Variants in ZFAND3 observed in about 807,000 individuals in gnomAD.
The protein encoded by ZFAND3 is AN1-type zinc finger protein 3.
In ZFAND3, 10 loss-of-function variants were observed where a neutral mutation model predicts 29.6. The ratio of observed to expected loss-of-function variants is 0.34; its 90% CI spans 0.21 to 0.57. The LOEUF is 0.57. Ranked by LOEUF, ZFAND3 falls within the 20% of genes least tolerant of loss-of-function variation. The probability of loss-of-function intolerance (pLI) is 0.86; values close to 1 mark genes in which losing one functional copy is unlikely to be tolerated. For missense variants in ZFAND3, 230 were observed against 304.5 expected (o/e 0.76, Z 1.82); for synonymous variants, 128 against 112.6 (o/e 1.14, Z -0.87).
chr6:38,010,656 A>G (rs963352190), intron 2 of ZFAND3, among the ~76,000 whole-genome samples: 13 of 149,734 alleles, frequency 8.7e-5, no homozygotes, highest in South Asian at 4.2e-4. Context: ...CTGGAGTGCA[A>G]TGGCGCAATC....
intron 2 of ZFAND3, among the ~76,000 whole-genome samples, chr6:38,044,912 T>C (rs962297699): frequency 2.0e-5 from 3 of 152,150 alleles, no homozygotes; most frequent in African/African-American, 7.2e-5. Flanking sequence ...TGTTGTATTG[T>C]AGCTAGCCTC....
intron 2 of ZFAND3, among the ~76,000 whole-genome samples, chr6:37,974,383 ACT>A (rs58472302): frequency 0.4 from 41,521 of 104,226 alleles, 9,237 homozygotes; most frequent in Non-Finnish European, 0.48. Flanking sequence ...TGCATTATAT[ACT>A]CTCTCTCTCT....
intron 1 of ZFAND3, among the ~76,000 whole-genome samples, chr6:37,854,037 C>T (rs942245552): frequency 6.6e-5 from 10 of 152,154 alleles, no homozygotes; most frequent in African/African-American, 1.9e-4. Context: ...TTGCAACCTC[C>T]GCCTCCTGGG....
chr6:37,904,612 A>C (rs1765376425), intron 1 of ZFAND3, among the ~76,000 whole-genome samples: 1 of 152,208 alleles, frequency 6.6e-6, no homozygotes, highest in Non-Finnish European at 1.5e-5. Context: ...AAAGGGATTG[A>C]TACGACAAAG....
At chr6:37,926,904 C>A (rs1201595617) in intron 1 of ZFAND3, among the ~76,000 whole-genome samples, 1 of 152,142 alleles carries the variant, frequency 6.6e-6, no homozygotes, top group Non-Finnish European at 1.5e-5. Context: ...GATCAAAGTT[C>A]CCGGAAGTCT....
intron 2 of ZFAND3, among the ~76,000 whole-genome samples, chr6:37,943,943 G>A (rs888933232): frequency 2.0e-5 from 3 of 152,130 alleles, no homozygotes; most frequent in Admixed American, 6.5e-5. Flanking sequence ...TCTTGAAGAT[G>A]AGACTAGAAA....
At position 38,098,724 on chromosome 6, in the gene ZFAND3, G is replaced by T. The variant is rs190270422; in HGVS notation, c.361+16267G>T. On this transcript the variant is annotated intron_variant, in intron 4 of 5. Coordinates refer to ENST00000287218, the MANE Select transcript of ZFAND3 (RefSeq NM_021943.3). ...TCACTGTGTTAGCCAGGATGGTCTC[G>T]ATCTCCTGACATCGTGATCCGCCTG... Among the ~76,000 whole-genome samples, 599 of 151,330 alleles carry T rather than the reference G, an allele frequency of 4.0e-3. 2 individuals carry two copies. The highest frequency in any genetic ancestry group is 0.014 in the African/African-American group (572 of 41,190).
intron 2 of ZFAND3, among the ~76,000 whole-genome samples, chr6:37,967,437 A>AT (rs1375665205): frequency 1.3e-5 from 2 of 152,170 alleles, no homozygotes; most frequent in Non-Finnish European, 2.9e-5. Context: ...ATAATCAGTC[A>AT]TTTCTCCAAG....
chr6:38,137,816 G>A (rs1765871198), intron 5 of ZFAND3, among the ~76,000 whole-genome samples: 1 of 152,136 alleles, frequency 6.6e-6, no homozygotes, highest in African/African-American at 2.4e-5. Context: ...GCCCTGGAGG[G>A]AGGAACAAAC....
At chr6:37,986,055 T>C (rs566415316) in intron 2 of ZFAND3, among the ~76,000 whole-genome samples, 1 of 152,352 alleles carries the variant, frequency 6.6e-6, no homozygotes, top group Admixed American at 6.5e-5. Flanking sequence ...AAGTAGACAT[T>C]GTCTGCAGAT....
At chr6:37,907,749 G>A (rs1765435402) in intron 1 of ZFAND3, among the ~76,000 whole-genome samples, 1 of 152,140 alleles carries the variant, frequency 6.6e-6, no homozygotes, top group African/African-American at 2.4e-5. Context: ...AAACCCCACA[G>A]AAAGATTGAA....
At chr6:37,998,594 C>T (rs1365968289) in intron 2 of ZFAND3, among the ~76,000 whole-genome samples, 1 of 152,072 alleles carries the variant, frequency 6.6e-6, no homozygotes, top group African/African-American at 2.4e-5. Context: ...TAAGTGAATT[C>T]TGAAAGACTA....
At chr6:38,115,764 C>A (rs1254405868) in intron 4 of ZFAND3, among the ~76,000 whole-genome samples, 5 of 152,302 alleles carry the variant, frequency 3.3e-5, no homozygotes, top group Admixed American at 1.3e-4. Context: ...AGGCAAGAGT[C>A]GTTTACAGCC....
intron 2 of ZFAND3, among the ~76,000 whole-genome samples, chr6:37,970,055 A>C (rs1406924455): frequency 6.6e-6 from 1 of 152,072 alleles, no homozygotes; most frequent in African/African-American, 2.4e-5. Context: ...TTGAACCCAG[A>C]AGGCAGAGGT....
chr6:37,907,023 A>G (rs1765420732), intron 1 of ZFAND3, among the ~76,000 whole-genome samples: 1 of 151,722 alleles, frequency 6.6e-6, no homozygotes, highest in Non-Finnish European at 1.5e-5. Context: ...CTTTTTAAGT[A>G]AACTTTTATT....
chr6:37,864,438 ACTT>A (rs1316291201), intron 1 of ZFAND3, among the ~76,000 whole-genome samples: 3 of 152,154 alleles, frequency 2.0e-5, no homozygotes, highest in Non-Finnish European at 2.9e-5. Context: ...TTACAGATAA[ACTT>A]CTCCATAATT....
At chr6:37,916,021 G>A (rs1397377995) in intron 1 of ZFAND3, among the ~76,000 whole-genome samples, 2 of 151,236 alleles carry the variant, frequency 1.3e-5, no homozygotes, top group Admixed American at 6.6e-5. Context: ...CGCCCGCCTC[G>A]GCCTCCTGAA....
intron 5 of ZFAND3, among the ~76,000 whole-genome samples, chr6:38,130,639 T>C (rs9470788): frequency 0.033 from 4,976 of 152,290 alleles, 222 homozygotes; most frequent in African/African-American, 0.096. Flanking sequence ...TGTTAAACCA[T>C]CCCTGCATCC....
chr6:38,110,263 A>G (rs1167932977), intron 4 of ZFAND3, among the ~76,000 whole-genome samples: 3 of 152,200 alleles, frequency 2.0e-5, no homozygotes, highest in South Asian at 2.1e-4. Context: ...CATTGGGAAC[A>G]TTAAGAAAGG....
Sources: gnomAD v4.1 joint callset for allele counts (sites outside exome capture counted in the v4.1 genomes callset) on GRCh38, gnomAD v4.1.1 for gene constraint, MANE v1.5 for transcripts, NCBI Gene and HGNC (gene_info 2026-07-23, HGNC 2026-07-21) for gene names.